GLT1D1: variants seen among roughly 807,000 people sequenced by gnomAD.
The protein encoded by GLT1D1 is glycosyltransferase 1 domain-containing protein 1.
Under a neutral mutation model 28.7 loss-of-function variants are expected in GLT1D1, and 21 were observed. The observed-to-expected ratio is 0.73, with a 90% CI of 0.52 to 1.05. GLT1D1 has a LOEUF of 1.05. GLT1D1 is among the 50% of genes least tolerant of loss of function. The pLI is 0.00. For synonymous variants in GLT1D1, 147 were observed against 124.8 expected, an observed-to-expected ratio of 1.18 and a Z score of -1.19; for missense variants, 343 against 330.6, an observed-to-expected ratio of 1.04 and a Z score of -0.29.
intron 7 of GLT1D1, among the ~76,000 whole-genome samples, chr12:128,974,435 A>G (rs1030885683): frequency 6.6e-6 from 1 of 152,190 alleles, no homozygotes; most frequent in South Asian, 2.1e-4. Context: ...TCCGACGGTC[A>G]GTGACCCTGC....
chr12:128,945,826 A>G (rs1875998560), intron 5 of GLT1D1, among the ~76,000 whole-genome samples: 2 of 152,122 alleles, frequency 1.3e-5, no homozygotes, highest in African/African-American at 4.8e-5. Context: ...GACCTCAGGG[A>G]TTTGGCTCCT....
chr12:128,857,969 C>T (rs1162956287), intron 1 of GLT1D1, among the ~76,000 whole-genome samples: 3 of 152,176 alleles, frequency 2.0e-5, no homozygotes, highest in Admixed American at 2.0e-4. Context: ...CTTCCAAGCC[C>T]ATTCCCTGTT....
chr12:128,856,515 C>T (rs548760532), intron 1 of GLT1D1, among the ~76,000 whole-genome samples: 34 of 152,182 alleles, frequency 2.2e-4, no homozygotes, highest in African/African-American at 2.6e-4. Context: ...AGGCTGTCTC[C>T]GGAGATGACA....
intron 4 of GLT1D1, among the ~76,000 whole-genome samples, chr12:128,936,321 A>AT (rs1416655224): frequency 6.6e-6 from 1 of 151,620 alleles, no homozygotes; most frequent in Admixed American, 6.6e-5. Context: ...CACCCAGCTA[A>AT]TTTTTTGTAT....
intron 4 of GLT1D1, among the ~76,000 whole-genome samples, chr12:128,934,198 CTTTTTTT>C (rs1228657723): frequency 2.7e-5 from 2 of 73,416 alleles, no homozygotes; most frequent in South Asian, 4.8e-4. Context: ...AAGAGACAGT[CTTTTTTT>C]TTTTTTTTTT....
rs34557975 is a variant in GLT1D1, at chr12:128,910,683, C to CTT, written c.375+11408_375+11409dup. The stretch of plus-strand genomic sequence containing the variant: ...TCTAATTTCAATGGTCGCCTTTAGC[C>CTT]TTTTTTTTTTTTTCATTAAAGTTAA... On this transcript the variant is annotated intron_variant, in intron 4 of 7. Transcript: ENST00000281703. 8.9e-4 allele frequency among the ~76,000 whole-genome samples: 127 copies of CTT among 142,038 alleles called. 1 individual carries two copies. In the South Asian group the frequency reaches 0.019, roughly 22 times the overall value. 93.2% of individuals were successfully genotyped at this position (142,038 alleles called of 152,430 possible). A position where few individuals can be genotyped will look rare whatever the true frequency, so the allele number is the denominator to read the frequency against.
chr12:128,943,024 G>C lies in GLT1D1; in HGVS notation c.376-2302G>C, dbSNP rs139849009. On this transcript the variant is annotated intron_variant, in intron 4 of 7. Coordinates refer to ENST00000281703, the MANE Select transcript of GLT1D1 (RefSeq NM_144669.3). ...GGCCTCCCAGAGTGCTGGGATTATA[G>C]GCGTGAGCCACCACGCCCGGCCTAG... 4.5e-3 allele frequency among the ~76,000 whole-genome samples: 692 copies of C among 152,206 alleles called. 3 individuals carry two copies. Among genetic ancestry groups the C allele is most frequent in the African/African-American group, 0.016 (652 of 41,524 alleles).
At chr12:128,968,363 G>A (rs978798453) in intron 7 of GLT1D1, among the ~76,000 whole-genome samples, 5 of 151,410 alleles carry the variant, frequency 3.3e-5, no homozygotes, top group Non-Finnish European at 7.4e-5. Context: ...ATTTGAGAGT[G>A]GACTAATAAT....
chr12:128,974,654 C>T (rs1331014410), intron 7 of GLT1D1, among the ~76,000 whole-genome samples: 1 of 152,212 alleles, frequency 6.6e-6, no homozygotes, highest in Non-Finnish European at 1.5e-5. Flanking sequence ...TGTCCTGCGT[C>T]ACGGGACTAT....
At chr12:128,867,632 G>A (rs1233636133) in intron 1 of GLT1D1, among the ~76,000 whole-genome samples, 1 of 152,096 alleles carries the variant, frequency 6.6e-6, no homozygotes, top group Non-Finnish European at 1.5e-5. Flanking sequence ...CTGCCTCGGG[G>A]GTCCCCCAGC....
chr12:128,863,232 G>T (rs1956423461), intron 1 of GLT1D1, among the ~76,000 whole-genome samples: 1 of 152,198 alleles, frequency 6.6e-6, no homozygotes. Flanking sequence ...CCGATAGACT[G>T]CTTGGGGAGG....
chr12:128,947,401 T>G lies in GLT1D1; in HGVS notation c.483T>G (p.Asn161Lys). 1 of 1,614,122 alleles carries G rather than the reference T, an allele frequency of 6.2e-7. No homozygotes were observed. ...AAGATCTGCACGCGGTGGTGAAGAATTGCTTCGCGGTGGTGAATAGCTCTG... is the reference window on the plus strand; with the variant it reads ...AAGATCTGCACGCGGTGGTGAAGAAGTGCTTCGCGGTGGTGAATAGCTCTG... The change falls in exon 6 of 8, where the codon AAT becomes AAG. Residue 161 changes from asparagine to lysine, a missense_variant. Asn to Lys is a moderately conservative substitution (Grantham distance 94, BLOSUM62 0). Coordinates refer to ENST00000281703, the MANE Select transcript of GLT1D1 (RefSeq NM_144669.3).
intron 6 of GLT1D1, among the ~76,000 whole-genome samples, chr12:128,948,872 A>G (rs1048126759): frequency 6.6e-6 from 1 of 152,200 alleles, no homozygotes; most frequent in Non-Finnish European, 1.5e-5. Flanking sequence ...AAGAAAAAAA[A>G]GACCCCAAAG....
chr12:128,943,802 A>G (rs1416678199), intron 4 of GLT1D1, among the ~76,000 whole-genome samples: 1 of 152,208 alleles, frequency 6.6e-6, no homozygotes, highest in Admixed American at 6.5e-5. Flanking sequence ...TCTTTCTGGT[A>G]TTTTATATAG....
chr12:128,973,179 G>GTTTTTTTTTTTT lies in GLT1D1; in HGVS notation c.640-9734_640-9723dup, dbSNP rs61169176. Reference sequence around the variant, plus strand: ...CTTTTCTGTTTTGTTTGTTTGCTTGGTTTTTTTTTTTTTTTTTTTTTTTTT... The same window carrying GTTTTTTTTTTTT: ...CTTTTCTGTTTTGTTTGTTTGCTTGGTTTTTTTTTTTTTTTTTTTTTTTTTTTTTTTTTTTTT... On this transcript the variant is annotated intron_variant, in intron 7 of 7. Transcript: ENST00000281703. 2.9e-4 allele frequency among the ~76,000 whole-genome samples: 15 copies of GTTTTTTTTTTTT among 50,986 alleles called. 2 individuals carry two copies. The highest frequency in any genetic ancestry group is 7.1e-4 in the Admixed American group (2 of 2,814). 33.4% of individuals were successfully genotyped at this position (50,986 alleles called of 152,430 possible).
At chr12:128,933,282 C>T (rs944548608) in intron 4 of GLT1D1, among the ~76,000 whole-genome samples, 5 of 152,272 alleles carry the variant, frequency 3.3e-5, no homozygotes, top group African/African-American at 4.8e-5. Flanking sequence ...ACGCAGGCGG[C>T]GCCCGTGCGC....
chr12:128,973,636 G>A (rs994967594), intron 7 of GLT1D1, among the ~76,000 whole-genome samples: 1 of 151,854 alleles, frequency 6.6e-6, no homozygotes, highest in African/African-American at 2.4e-5. Flanking sequence ...AAGGTCTCCC[G>A]GTCCCCCTCT....
intron 3 of GLT1D1, among the ~76,000 whole-genome samples, chr12:128,896,602 AC>A (rs1869663071): frequency 8.3e-6 from 1 of 119,868 alleles, no homozygotes. Context: ...TTTTTTTGAG[AC>A]AGAGTCTTGC....
intron 4 of GLT1D1, 52 bp from the exon 9 acceptor site, chr12:128,945,274 C>T (rs369257551): frequency 5.8e-5 from 92 of 1,582,482 alleles, no homozygotes; most frequent in Non-Finnish European, 7.7e-5. Flanking sequence ...GGCCGGCTGG[C>T]AGCGCCACTA....
Sources: gnomAD v4.1 joint callset for allele counts (sites outside exome capture counted in the v4.1 genomes callset) on GRCh38, gnomAD v4.1.1 for gene constraint, MANE v1.5 for transcripts, NCBI Gene and HGNC (gene_info 2026-07-23, HGNC 2026-07-21) for gene names.